The following PARP1 variants were observed in gnomAD, a reference collection of about 807,000 sequenced individuals.
The protein encoded by PARP1 is poly [ADP-ribose] polymerase 1.
A neutral mutation model predicts 118.7 loss-of-function variants in PARP1; 44 were observed. The ratio of observed to expected loss-of-function variants is 0.37; its 90% CI spans 0.29 to 0.48. The LOEUF (loss-of-function observed/expected upper bound fraction) is 0.48. PARP1 is among the 20% of genes least tolerant of loss of function. The probability of loss-of-function intolerance (pLI) is 0.99; values close to 1 mark genes in which losing one functional copy is unlikely to be tolerated. For synonymous variants in PARP1, 492 were observed against 483.2 expected (o/e 1.02, Z -0.24); for missense variants, 1,100 against 1,272.4 (o/e 0.86, Z 2.06).
At chr1:226,402,401 G>T (rs765827291) in intron 1 of PARP1, 22 bp from the exon 2 acceptor site, 4 of 1,607,178 alleles carry the variant, frequency 2.5e-6, no homozygotes, top group Non-Finnish European at 3.4e-6. Context: ...AGAAACAGAG[G>T]GAAGTAAGTA....
chr1:226,368,452 A>G, intron 15 of PARP1, 131 bp from the exon 16 acceptor site: 1 of 1,122,568 alleles, frequency 8.9e-7, no homozygotes, highest in Non-Finnish European at 1.3e-6. Flanking sequence ...ATGCCAGGAC[A>G]CATGGGAAAC....
chr1:226,390,713 A>G, intron 3 of PARP1, 89 bp from the exon 4 acceptor site: 4 of 1,268,070 alleles, frequency 3.2e-6, no homozygotes, highest in Non-Finnish European at 4.5e-6. Context: ...GCCAGTGAGG[A>G]GCTGAGGGTC....
At chr1:226,377,801 T>C (rs551389459) in intron 12 of PARP1, among the ~76,000 whole-genome samples, 128 of 152,264 alleles carry the variant, frequency 8.4e-4, no homozygotes, top group South Asian at 1.2e-3. Context: ...TCAAATTCCA[T>C]CTCAATTGAG....
chr1:226,363,948 T>C lies in PARP1; in HGVS notation c.2781A>G (p.Gly927=). ...GLILLGEVAL[G]NMYELKHASH... is the part of the protein sequence containing the mutation. ...CCAGAGCCAGGTTTACTCACATGTT[T>C]CCAAGGGCAACTTCTCCCAACAGGA... is the stretch of plus-strand genomic sequence containing the variant. The change falls in exon 20 of 23, where the codon GGA becomes GGG. Residue 927 remains glycine, a synonymous_variant. Coordinates refer to ENST00000366794, the MANE Select transcript of PARP1 (RefSeq NM_001618.4). The C allele has an allele frequency of 6.2e-7, 1 of 1,613,930 alleles. No individual in the cohort carries two copies. The highest frequency in any genetic ancestry group is 1.3e-5 in the African/African-American group (1 of 75,048).
intron 1 of PARP1, among the ~76,000 whole-genome samples, chr1:226,407,522 C>T (rs916370951): frequency 6.6e-6 from 1 of 152,108 alleles, no homozygotes; most frequent in Non-Finnish European, 1.5e-5. Context: ...AATAAAACAC[C>T]GCCACCCAGA....
chr1:226,365,168 TA>T lies in PARP1; in HGVS notation c.2506-15del. The T allele has an allele frequency of 1.9e-6, 3 of 1,614,002 alleles. No individual in the cohort carries two copies. The highest frequency in any genetic ancestry group is 2.5e-6 in the Non-Finnish European group (3 of 1,179,952). Reference sequence around the variant, plus strand: ...TATCTTAAAGATCTGGTTGGAGTAGTAAACAAAGGGAAGGACAAAAGAAGCC... The same window carrying T: ...TATCTTAAAGATCTGGTTGGAGTAGTAACAAAGGGAAGGACAAAAGAAGCC... On this transcript the variant is annotated splice_polypyrimidine_tract_variant and intron_variant, in intron 18 of 22. Transcript: ENST00000366794.
chr1:226,392,142 A>G (rs1664832418), intron 3 of PARP1, 57 bp downstream of exon 3: 4 of 1,143,918 alleles, frequency 3.5e-6, no homozygotes, highest in Non-Finnish European at 5.3e-6. Flanking sequence ...GAGATAGCCA[A>G]TAACATCATT....
intron 2 of PARP1, among the ~76,000 whole-genome samples, chr1:226,397,527 C>T (rs1350779257): frequency 6.6e-6 from 1 of 152,162 alleles, no homozygotes; most frequent in African/African-American, 2.4e-5. Context: ...AAATTATAAT[C>T]CCGAATGTTG....
At chr1:226,386,178 C>G (rs150095918) in intron 6 of PARP1, 148 bp downstream of exon 6, 1 of 692,236 alleles carries the variant, frequency 1.4e-6, no homozygotes. Context: ...TGGTGATGAC[C>G]GTGCAACACA....
intron 15 of PARP1, among the ~76,000 whole-genome samples, chr1:226,369,946 ACT>A (rs1259163828): frequency 2.1e-5 from 3 of 145,676 alleles, no homozygotes; most frequent in South Asian, 2.3e-4. Context: ...ACAGAGCAAG[ACT>A]CTGTCTCAAA....
chr1:226,369,866 A>G lies in PARP1; in HGVS notation c.2154+568T>C, dbSNP rs558463099. Among the ~76,000 whole-genome samples, 10 of 152,130 alleles carry G rather than the reference A, an allele frequency of 6.6e-5. No homozygotes were observed. The South Asian group carries it at 2.1e-3, about 32-fold the overall frequency. On this transcript the variant is annotated intron_variant, in intron 15 of 22. Coordinates refer to ENST00000366794, the MANE Select transcript of PARP1 (RefSeq NM_001618.4). ...CAGCTACTTGGGAGTCTGAGGCACG[A>G]GAACCGCTTGAACCTGGGGATGGAG...
intron 1 of PARP1, among the ~76,000 whole-genome samples, chr1:226,405,425 T>G (rs1034643923): frequency 2.0e-5 from 3 of 152,024 alleles, no homozygotes; most frequent in African/African-American, 7.3e-5. Context: ...AGCTTCAGCC[T>G]CCGGAGTAGC....
chr1:226,382,001 C>G (rs1272083593), intron 8 of PARP1, among the ~76,000 whole-genome samples: 1 of 152,176 alleles, frequency 6.6e-6, no homozygotes, highest in Admixed American at 6.5e-5. Context: ...GGTCAGAATG[C>G]CAGCCCCCAA....
At chr1:226,379,523 G>A (rs201653997) in intron 11 of PARP1, 50 bp downstream of exon 11, 1 of 1,450,226 alleles carries the variant, frequency 6.9e-7, no homozygotes, top group East Asian at 2.3e-5. Context: ...TAGTCAGCTG[G>A]GGGTTGGGGG....
chr1:226,368,935 C>T (rs1184815102), intron 15 of PARP1, among the ~76,000 whole-genome samples: 1 of 152,138 alleles, frequency 6.6e-6, no homozygotes, highest in Admixed American at 6.5e-5. Flanking sequence ...CCAGGAATTT[C>T]GCAGACAGCC....
chr1:226,365,008 C>T lies in PARP1; in HGVS notation c.2652G>A (p.Ala884=), dbSNP rs202143014. Residue 884 remains alanine (A), a synonymous_variant, in exon 19 of 23, where the codon GCG becomes GCA. Transcript: ENST00000366794. Reference sequence around the variant, plus strand: ...CGCCAGGCCAGGCACATACCACGGGCGCTTCAGGCGGGGCTATCCGAAGAC... The same window carrying T: ...CGCCAGGCCAGGCACATACCACGGGTGCTTCAGGCGGGGCTATCCGAAGAC... ...SQGLRIAPPE[A]PVTGYMFGKG... 5.0e-6 allele frequency: 8 copies of T among 1,613,802 alleles called. No homozygotes were observed. In the African/African-American group the frequency reaches 5.3e-5, roughly 11 times the overall value.
chr1:226,408,080 C>T lies in PARP1; in HGVS notation c.-151G>A, dbSNP rs1361247882. On this transcript the variant is annotated 5_prime_UTR_variant, in exon 1 of 23. Transcript: ENST00000366794. ...CACGCCGCACCGGCCACCGCCGTTC[C>T]CTGATAGATTGCTGATGCCTGGCCG... 8 of 1,150,826 alleles carry T rather than the reference C, an allele frequency of 7.0e-6. No individual in the cohort carries two copies. The highest frequency in any genetic ancestry group is 6.2e-6 in the Non-Finnish European group (5 of 801,120). The allele number at this position is 1,150,826 out of a possible 1,614,324, so 71.3% of individuals were successfully genotyped here.
chr1:226,379,957 A>G lies in PARP1; in HGVS notation c.1508T>C (p.Leu503Pro), dbSNP rs2102735402. The G allele has an allele frequency of 6.2e-7, 1 of 1,613,982 alleles. No homozygotes were observed. Among genetic ancestry groups the G allele is most frequent in the Non-Finnish European group, 8.5e-7 (1 of 1,180,008 alleles). Residue 503 changes from leucine (L) to proline (P), a missense_variant, in exon 10 of 23, where the codon CTC (leucine) becomes CCC (proline). Leu to Pro is a moderately conservative substitution (Grantham distance 98, BLOSUM62 -3). Around this residue, in one of 2 missense-constraint regions of PARP1, gnomAD observed 948 missense variants for 1,031.8 expected, o/e 0.92. Transcript: ENST00000366794. ...GACCTGGCCCTTGCTTTTTTTGGAG[A>G]GCGCAGCCCCTGACTTCCCTCTTGG... ...VAPRGKSGAA[L>P]SKKSKGQVKE...
chr1:226,382,366 G>T (rs1664626090), intron 8 of PARP1, among the ~76,000 whole-genome samples: 1 of 152,176 alleles, frequency 6.6e-6, no homozygotes, highest in Non-Finnish European at 1.5e-5. Context: ...CCGGATGACT[G>T]GTGGGCGCAG....
Sources: allele counts gnomAD v4.1 joint callset (sites outside exome capture counted in the v4.1 genomes callset), GRCh38; gene constraint gnomAD v4.1.1; regional missense constraint gnomAD v4.1.1; transcripts MANE v1.5; gene names NCBI Gene and HGNC (gene_info 2026-07-23, HGNC 2026-07-21).